The following TPTE2 variants were observed in gnomAD, a reference collection of about 807,000 sequenced individuals.
The protein encoded by TPTE2 is transmembrane phosphoinositide 3-phosphatase and tensin homolog 2.
A neutral mutation model predicts 78.6 loss-of-function variants in TPTE2; 53 were observed. The observed-to-expected ratio is 0.67, with a 90% confidence interval of 0.54 to 0.85. TPTE2 has a LOEUF of 0.85. Ranked by LOEUF, TPTE2 falls within the 40% of genes least tolerant of loss-of-function variation. TPTE2 has a pLI of 0.00. For missense variants in TPTE2, 461 were observed against 623.0 expected (o/e 0.74, Z 2.77); for synonymous variants, 175 against 206.2 (o/e 0.85, Z 1.30).
chr13:19,512,889 T>C (rs1869544725), intron 1 of TPTE2, among the ~76,000 whole-genome samples: 2 of 152,184 alleles, frequency 1.3e-5, no homozygotes, highest in Admixed American at 1.3e-4. Flanking sequence ...AAAACACTTT[T>C]GACAAACACA....
intron 1 of TPTE2, 26 bp downstream of exon 4, chr13:19,503,198 T>G (rs770276678): frequency 6.2e-7 from 1 of 1,613,402 alleles, no homozygotes; most frequent in East Asian, 2.2e-5. Context: ...ATTAGATAAA[T>G]AAAGACACAT....
At chr13:19,544,934 TCACACA>T in the TPTE2 span, among the ~76,000 whole-genome samples, 24,228 of 141,964 alleles carry the variant, frequency 0.17, 2,092 homozygotes, top group South Asian at 0.25. Flanking sequence ...ACGTGCACAC[TCACACA>T]CACACACACA....
intron 10 of TPTE2, among the ~76,000 whole-genome samples, chr13:19,459,655 G>C (rs1471477305): frequency 6.6e-6 from 1 of 152,196 alleles, no homozygotes; most frequent in Non-Finnish European, 1.5e-5. Flanking sequence ...TTCAGGGAGA[G>C]ATCAAAGCTC....
At chr13:19,425,465 TC>T (rs1172233286) in intron 18 of TPTE2, among the ~76,000 whole-genome samples, 14 of 152,268 alleles carry the variant, frequency 9.2e-5, no homozygotes, top group African/African-American at 2.2e-4. Context: ...CCAGTTCACC[TC>T]CTCCCAGTTT....
At chr13:19,472,638 A>C (rs576916930) in intron 6 of TPTE2, among the ~76,000 whole-genome samples, 3 of 152,326 alleles carry the variant, frequency 2.0e-5, no homozygotes, top group East Asian at 3.9e-4. Flanking sequence ...GGTCACATAT[A>C]TCTGTTTCTA....
intron 3 of TPTE2, among the ~76,000 whole-genome samples, chr13:19,488,795 A>G (rs1880809853): frequency 6.6e-6 from 1 of 152,192 alleles, no homozygotes; most frequent in Non-Finnish European, 1.5e-5. Context: ...TGTTCAGTGG[A>G]GCAGCAGTCT....
intron 3 of TPTE2, among the ~76,000 whole-genome samples, chr13:19,491,728 G>T (rs1451330846): frequency 6.6e-6 from 1 of 152,074 alleles, no homozygotes; most frequent in Non-Finnish European, 1.5e-5. Context: ...AGGAGGCTGA[G>T]GCAGGAAAAT....
chr13:19,431,181 A>G (rs1876573818), intron 16 of TPTE2, among the ~76,000 whole-genome samples: 1 of 152,002 alleles, frequency 6.6e-6, no homozygotes, highest in African/African-American at 2.4e-5. Flanking sequence ...GGTGACTTGC[A>G]ACCTTTCTTG....
chr13:19,561,135 C>G, the TPTE2 span: 37 of 1,603,938 alleles, frequency 2.3e-5, no homozygotes, highest in South Asian at 3.9e-4. Context: ...TGGGTGGGAG[C>G]TGGACCAGGG....
chr13:19,461,717 C>A (rs1403210920), intron 10 of TPTE2, among the ~76,000 whole-genome samples: 1 of 152,068 alleles, frequency 6.6e-6, no homozygotes, highest in Non-Finnish European at 1.5e-5. Context: ...ATTATTATAT[C>A]TTATTGCTAA....
intron 1 of TPTE2, among the ~76,000 whole-genome samples, chr13:19,500,081 T>G (rs1028410945): frequency 1.3e-5 from 2 of 151,220 alleles, no homozygotes; most frequent in African/African-American, 4.9e-5. Context: ...ACACATACAC[T>G]CTCCCAAGAC....
At chr13:19,493,478 C>A (rs1263298201) in exon 2 of TPTE2, 4 of 1,613,684 alleles carry the variant, frequency 2.5e-6, no homozygotes, top group Non-Finnish European at 3.4e-6. Context: ...CTCGGTTGTT[C>A]CTTTAAATTC....
chr13:19,504,660 T>C (rs1593405994), upstream of TPTE2, among the ~76,000 whole-genome samples: 1 of 152,230 alleles, frequency 6.6e-6, no homozygotes, highest in South Asian at 2.1e-4. Context: ...AACAAGAAGT[T>C]TCCCTTTTTT....
At chr13:19,514,056 TTGC>T (rs1054466718) in intron 1 of TPTE2, among the ~76,000 whole-genome samples, 1 of 151,822 alleles carries the variant, frequency 6.6e-6, no homozygotes, top group African/African-American at 2.4e-5. Context: ...AGCTCCTTTC[TTGC>T]TGCTGAGGGC....
intron 13 of TPTE2, among the ~76,000 whole-genome samples, chr13:19,438,673 T>G (rs1877281655): frequency 6.6e-6 from 1 of 152,226 alleles, no homozygotes; most frequent in African/African-American, 2.4e-5. Context: ...TGCAAGGATG[T>G]TTTTTCCAAG....
intron 1 of TPTE2, among the ~76,000 whole-genome samples, chr13:19,494,595 GAC>G (rs1881201218): frequency 1.3e-5 from 2 of 152,122 alleles, no homozygotes; most frequent in African/African-American, 4.8e-5. Context: ...TTTTAGTAGA[GAC>G]AGGGTTTCAC....
At chr13:19,471,822 T>C (rs1299269113) in intron 6 of TPTE2, among the ~76,000 whole-genome samples, 2 of 152,338 alleles carry the variant, frequency 1.3e-5, no homozygotes, top group South Asian at 4.1e-4. Context: ...ATCTTTCTGA[T>C]TGAAATACTC....
At chr13:19,493,530 A>C in intron 1 of TPTE2, 29 bp from the exon 5 acceptor site, 2 of 1,606,788 alleles carry the variant, frequency 1.2e-6, no homozygotes, top group Non-Finnish European at 1.7e-6. Flanking sequence ...ATACAGTCAG[A>C]GAGGAGACAT....
chr13:19,482,501 C>T lies in TPTE2; in HGVS notation c.166G>A (p.Val56Ile), dbSNP rs747510861. 2.5e-6 allele frequency: 4 copies of T among 1,612,008 alleles called. No homozygotes were observed. The South Asian group carries it at 4.4e-5, about 18-fold the overall frequency. Residue 56 changes from valine to isoleucine, a missense_variant, in exon 4 of 20, where the codon GTT becomes ATT. Transcript: ENST00000400230. ...AAACTGACTTACTCATATGAAGCAA[C>T]ATTTTCAGCATCTTCAACTTCAAAC...
Sources: gnomAD v4.1 joint callset for allele counts (sites outside exome capture counted in the v4.1 genomes callset) on GRCh38, gnomAD v4.1.1 for gene constraint, MANE v1.5 for transcripts, NCBI Gene and HGNC (gene_info 2026-07-23, HGNC 2026-07-21) for gene names.